The following CEP250 variants were observed in gnomAD, a reference collection of about 807,000 sequenced individuals.
CEP250 encodes centrosome-associated protein CEP250.
CEP250 carries 242 observed loss-of-function variants against 315.7 expected under a neutral mutation model. The observed-to-expected ratio is 0.77, with a 90% CI of 0.69 to 0.85. CEP250 has a LOEUF of 0.85. Among genes scored for constraint, CEP250 ranks in the 40% least tolerant of loss-of-function variants. The probability of loss-of-function intolerance (pLI) is 0.00; values close to 1 mark genes in which losing one functional copy is unlikely to be tolerated. For synonymous variants in CEP250, 1,088 were observed against 1,175.0 expected, an observed-to-expected ratio of 0.93 and a Z score of 1.51; for missense variants, 2,515 against 2,886.4, an observed-to-expected ratio of 0.87 and a Z score of 2.95.
intron 32 of CEP250, 111 bp from the exon 33 acceptor site, chr20:35,508,832 T>C: frequency 1.2e-6 from 1 of 814,098 alleles, no homozygotes; most frequent in East Asian, 2.7e-5. Flanking sequence ...CTTCCCATGG[T>C]TACTGTCCCC....
At chr20:35,487,002 A>C (rs563272044) in intron 20 of CEP250, among the ~76,000 whole-genome samples, 117 of 152,290 alleles carry the variant, frequency 7.7e-4, no homozygotes, top group African/African-American at 2.5e-3. Flanking sequence ...TGGGTCATGA[A>C]AGGGCCTTTT....
chr20:35,498,184 CTTGGGA>C (rs1262048501), intron 26 of CEP250, 117 bp downstream of exon 26: 2 of 813,096 alleles, frequency 2.5e-6, no homozygotes, highest in East Asian at 5.4e-5. Flanking sequence ...AGATTACATA[CTTGGGA>C]ATTAATTCTG....
chr20:35,485,822 GTTTTTTT>G (rs538827494), intron 20 of CEP250, among the ~76,000 whole-genome samples: 3 of 115,420 alleles, frequency 2.6e-5, no homozygotes, highest in African/African-American at 1.0e-4. Context: ...GCCTGGCTAA[GTTTTTTT>G]TTTTTTTTTT....
In CEP250 at chr20:35,503,398, C is replaced by T. The variant is rs751975608; in HGVS notation, c.5029C>T (p.Gln1677Ter). 6.2e-7 allele frequency: 1 copy of T among 1,614,146 alleles called. No homozygotes were observed. Among genetic ancestry groups the T allele is most frequent in the African/African-American group, 1.3e-5 (1 of 75,028 alleles). ...GGTTCTCGAGGATCAGAGGACCCGG[C>T]AGACCAAGATCCTGGAGGAGGACCT... Reference protein sequence around the residue: ...IQVLEDQRTRQTKILEEDLEQ... With the variant: ...IQVLEDQRTR Residue 1677 changes from glutamine to a stop codon, truncating the protein, a stop_gained, in exon 30 of 35, where the codon CAG (glutamine) becomes TAG (stop). Transcript: ENST00000397527. LOFTEE classifies it high-confidence loss of function. This position sits in a 1 kb window ranked among gnomAD's most constrained non-coding sequence, Gnocchi z 4.2.
At chr20:35,482,331 C>T (rs982696990) in intron 20 of CEP250, among the ~76,000 whole-genome samples, 2 of 151,484 alleles carry the variant, frequency 1.3e-5, no homozygotes, top group Admixed American at 6.6e-5. Flanking sequence ...TCTGGGTTCA[C>T]GCCATTCTCC....
Position 35,503,338 on chromosome 20 carries a change from G to T in CEP250, c.4969G>T (p.Asp1657Tyr), listed in dbSNP as rs368334375. The T allele has an allele frequency of 1.2e-6, 2 of 1,614,040 alleles. No homozygotes were observed. Among genetic ancestry groups the T allele is most frequent in the South Asian group, 1.1e-5 (1 of 91,078 alleles). The change falls in exon 30 of 35, where the codon GAC (aspartate) becomes TAC (tyrosine). Residue 1657 changes from aspartate to tyrosine, a missense_variant. Coordinates refer to ENST00000397527, the MANE Select transcript of CEP250 (RefSeq NM_007186.6). The surrounding 1 kb of genome is among the most constrained non-coding windows in gnomAD (Gnocchi z 4.2). ...EHLTQDLERR[D>Y]QELMLQKERI... ...TCTGACTCAGGATCTCGAGAGGAGA[G>T]ACCAGGAGCTGATGCTGCAGAAGGA...
In CEP250 at chr20:35,503,829, G is replaced by A. The variant is rs1365349011; in HGVS notation, c.5460G>A (p.Glu1820=). 6.2e-7 allele frequency: 1 copy of A among 1,613,952 alleles called. No individual in the cohort carries two copies. Among genetic ancestry groups the A allele is most frequent in the South Asian group, 1.1e-5 (1 of 91,082 alleles). ...TAGCCCAGAGGGACCAGGAACTGGA[G>A]GCTCTGCAGCAAGAACAGCAGCAGG... ...RALAQRDQEL[E]ALQQEQQQAQ... is the part of the protein sequence containing the mutation. Residue 1820 remains glutamate (E), a synonymous_variant, in exon 30 of 35, where the codon GAG becomes GAA. Transcript: ENST00000397527. The surrounding 1 kb of genome is among the most constrained non-coding windows in gnomAD (Gnocchi z 4.2).
chr20:35,509,241 T>G (rs376773474), intron 33 of CEP250, among the ~76,000 whole-genome samples, 197 bp downstream of exon 33: 1 of 152,068 alleles, frequency 6.6e-6, no homozygotes, highest in African/African-American at 2.4e-5. Context: ...GGGTGGGGGT[T>G]GGGGTGGCTA....
At position 35,459,641 on chromosome 20, in the gene CEP250, C is replaced by T. The variant is rs139694508; in HGVS notation, c.-226-342C>T. The stretch of plus-strand genomic sequence containing the variant: ...CTCTACCAAAGAAAAAAAAAAAAAG[C>T]CTCGGTGGCACACATCTTCAGCTCC... On this transcript the variant is annotated intron_variant, in intron 2 of 34. Coordinates refer to ENST00000397527, the MANE Select transcript of CEP250 (RefSeq NM_007186.6). Among the ~76,000 whole-genome samples, 11 of 148,702 alleles carry T rather than the reference C, an allele frequency of 7.4e-5. No homozygotes were observed. The East Asian group carries it at 2.2e-3, about 29-fold the overall frequency.
In CEP250 at chr20:35,504,848, G is replaced by A. The variant is rs542508593; in HGVS notation, c.6479G>A (p.Arg2160Lys). The A allele has an allele frequency of 6.2e-7, 1 of 1,614,204 alleles. No homozygotes were observed. Among genetic ancestry groups the A allele is most frequent in the Non-Finnish European group, 8.5e-7 (1 of 1,180,024 alleles). The change falls in exon 30 of 35, where the codon AGA becomes AAA. Residue 2160 changes from arginine to lysine, a missense_variant. Physicochemically the swap from Arg to Lys is conservative, Grantham distance 26. Transcript: ENST00000397527. ...CTGGAGCGGCTACAGGCAGCCCTGA[G>A]ACAGACAGAAGCCAGGGAGATTGAG... ...RELERLQAAL[R>K]QTEAREIEWR...
chr20:35,470,475 C>T (rs1177934773), intron 10 of CEP250, among the ~76,000 whole-genome samples: 5 of 152,168 alleles, frequency 3.3e-5, no homozygotes, highest in East Asian at 1.9e-4. Flanking sequence ...AAGGGCCGGG[C>T]GCGGTGGCTC....
At chr20:35,505,584 C>T (rs1288664960) in intron 30 of CEP250, among the ~76,000 whole-genome samples, 2 of 141,434 alleles carry the variant, frequency 1.4e-5, no homozygotes, top group South Asian at 2.3e-4. Flanking sequence ...ACTCAGGAGG[C>T]GGAGGTTGCA....
chr20:35,484,432 T>A (rs2063447474), intron 20 of CEP250, among the ~76,000 whole-genome samples: 1 of 152,210 alleles, frequency 6.6e-6, no homozygotes, highest in Non-Finnish European at 1.5e-5. Context: ...GAGACTTTTT[T>A]CCTACCCTGT....
intron 19 of CEP250, 25 bp downstream of exon 19, chr20:35,479,798 G>A (rs778753595): frequency 2.5e-6 from 4 of 1,614,038 alleles, no homozygotes; most frequent in Non-Finnish European, 2.5e-6. Flanking sequence ...GGGATGGGAT[G>A]CACTCCATTC....
At chr20:35,468,757 C>T (rs2062953259) in intron 9 of CEP250, among the ~76,000 whole-genome samples, 1 of 152,162 alleles carries the variant, frequency 6.6e-6, no homozygotes, top group African/African-American at 2.4e-5. Flanking sequence ...CTCACCGCAG[C>T]CTTAACCTCC....
Position 35,511,736 on chromosome 20 carries a change from G to C in CEP250, c.*110G>C. ...GCCTGGCTCTGTTAGGCACCCAGGA[G>C]CCCCAGGTCGGCGGGTGTTCCCAGG... On this transcript the variant is annotated 3_prime_UTR_variant, in exon 35 of 35. Transcript: ENST00000397527. The C allele has an allele frequency of 1.4e-6, 2 of 1,449,738 alleles. No homozygotes were observed. Among genetic ancestry groups the C allele is most frequent in the African/African-American group, 1.4e-5 (1 of 70,334 alleles). The allele number at this position is 1,449,738 out of a possible 1,614,324, so 89.8% of individuals were successfully genotyped here.
chr20:35,467,239 G>A, intron 8 of CEP250, 65 bp from the exon 9 acceptor site: 1 of 1,563,372 alleles, frequency 6.4e-7, no homozygotes, highest in East Asian at 2.3e-5. Context: ...GCTTCACTGG[G>A]CCTGATCACC....
At chr20:35,471,247 CTT>C (rs1318592215) in intron 10 of CEP250, among the ~76,000 whole-genome samples, 3 of 152,090 alleles carry the variant, frequency 2.0e-5, no homozygotes, top group African/African-American at 7.2e-5. Context: ...GCAGGGGACA[CTT>C]GAGCTCAGTA....
At chr20:35,481,769 C>G (rs533808077) in intron 20 of CEP250, among the ~76,000 whole-genome samples, 1 of 152,248 alleles carries the variant, frequency 6.6e-6, no homozygotes, top group East Asian at 1.9e-4. Flanking sequence ...GTCATGTGAT[C>G]ATGGCCTACT....
Sources: gnomAD v4.1 joint callset for allele counts (sites outside exome capture counted in the v4.1 genomes callset) on GRCh38, gnomAD v4.1.1 for gene constraint, Gnocchi (gnomAD v3.1) non-coding constraint, MANE v1.5 for transcripts, NCBI Gene and HGNC (gene_info 2026-07-23, HGNC 2026-07-21) for gene names.